The following PCCB variants were observed in gnomAD, a reference collection of about 807,000 sequenced individuals.
PCCB encodes propionyl-CoA carboxylase beta chain, mitochondrial.
Under a neutral mutation model 60.7 loss-of-function variants are expected in PCCB, and 43 were observed. The ratio of observed to expected loss-of-function variants is 0.71; its 90% CI spans 0.55 to 0.91. The LOEUF (loss-of-function observed/expected upper bound fraction) is 0.91, where lower values mean the gene tolerates loss of function less well. PCCB is among the 40% of genes least tolerant of loss of function. The pLI is 0.00. For synonymous variants in PCCB, 276 were observed against 255.9 expected, an observed-to-expected ratio of 1.08 and a Z score of -0.75; for missense variants, 766 against 702.8, an observed-to-expected ratio of 1.09 and a Z score of -1.02.
intron 6 of PCCB, among the ~76,000 whole-genome samples, chr3:136,286,645 C>A (rs1210110545): frequency 6.6e-6 from 1 of 152,180 alleles, no homozygotes; most frequent in Non-Finnish European, 1.5e-5. Flanking sequence ...CAAATTGCTT[C>A]TTAGCACGAC....
rs1473451622 is a variant in PCCB, at chr3:136,269,907, AT to A, written c.543+7843del. Among the ~76,000 whole-genome samples, 26 of 148,954 alleles carry A rather than the reference AT, an allele frequency of 1.7e-4. No individual in the cohort carries two copies. In the East Asian group the frequency reaches 3.5e-3, roughly 20 times the overall value. On this transcript the variant is annotated intron_variant, in intron 5 of 14. Coordinates refer to ENST00000251654, the MANE Select transcript of PCCB (RefSeq NM_000532.5). Reference sequence around the variant, plus strand: ...TCTCAAAAAAAAAAAAAAAAAAAAAATAAGAGTGGACATCCTTGTCTTGTTC... The same window carrying A: ...TCTCAAAAAAAAAAAAAAAAAAAAAAAAGAGTGGACATCCTTGTCTTGTTC...
chr3:136,255,918 C>G lies in PCCB; in HGVS notation c.246C>G (p.Ser82Arg). The G allele has an allele frequency of 6.2e-7, 1 of 1,614,028 alleles. No individual in the cohort carries two copies. Among genetic ancestry groups the G allele is most frequent in the Non-Finnish European group, 8.5e-7 (1 of 1,179,928 alleles). ...TGGACCCTGGCAGCTTTGTTGAGAG[C>G]GACATGTTTGTGGAACACAGATGTG... is the stretch of plus-strand genomic sequence containing the variant. ...LLLDPGSFVE[S>R]DMFVEHRCAD... Residue 82 changes from serine (S) to arginine (R), a missense_variant, in exon 2 of 15, where the codon AGC becomes AGG. Transcript: ENST00000251654.
Position 136,297,873 on chromosome 3 carries a change from GGGCGCAGTCA to G in PCCB, c.764-75_764-66del, listed in dbSNP as rs1157339975. On this transcript the variant is annotated intron_variant, in intron 7 of 14. Transcript: ENST00000251654. Reference sequence around the variant, plus strand: ...GGTCTGCTACTGACATGCCCTAGAAGGGCGCAGTCAGGCATGAAGCAGCAACTTTGGGCTG... The same window carrying G: ...GGTCTGCTACTGACATGCCCTAGAAGGGCATGAAGCAGCAACTTTGGGCTG... 2.5e-5 allele frequency: 38 copies of G among 1,538,310 alleles called. No individual in the cohort carries two copies. In the Admixed American group the frequency reaches 6.0e-4, roughly 24 times the overall value.
chr3:136,300,136 CTACACATGTGTTCACATACATATA>C, intron 8 of PCCB, among the ~76,000 whole-genome samples: 1 of 150,956 alleles, frequency 6.6e-6, no homozygotes, highest in Non-Finnish European at 1.5e-5. Context: ...ATATGTATAT[CTACACATGTGTTCACATACATATA>C]TACACATATG....
intron 9 of PCCB, among the ~76,000 whole-genome samples, chr3:136,308,477 C>T (rs2108216087): frequency 6.6e-6 from 1 of 152,252 alleles, no homozygotes; most frequent in South Asian, 2.1e-4. Flanking sequence ...GGAGATTCAA[C>T]AGACTTAGGT....
chr3:136,293,732 T>G (rs368081650), intron 6 of PCCB, 24 bp from the exon 7 acceptor site: 14 of 1,449,844 alleles, frequency 9.7e-6, no homozygotes, highest in South Asian at 8.0e-5. Flanking sequence ...TGAGGTTGAC[T>G]GTTCTGGAAA....
Position 136,277,964 on chromosome 3 carries a change from T to TTC in PCCB, c.544-5871_544-5870dup, listed in dbSNP as rs571633518. On this transcript the variant is annotated intron_variant, in intron 5 of 14. Transcript: ENST00000251654. ...TCCCCCTGCCCCTGGGAGGTATGGGTTCTGGACAAAGGAGTTCATCCTCAC... is the reference window on the plus strand; with the variant it reads ...TCCCCCTGCCCCTGGGAGGTATGGGTTCTCTGGACAAAGGAGTTCATCCTCAC... 2.6e-3 allele frequency among the ~76,000 whole-genome samples: 400 copies of TTC among 152,212 alleles called. 5 individuals are homozygous for TTC. The highest frequency in any genetic ancestry group is 9.2e-3 in the African/African-American group (383 of 41,558).
At chr3:136,258,058 G>A (rs893182116) in intron 3 of PCCB, among the ~76,000 whole-genome samples, 3 of 146,900 alleles carry the variant, frequency 2.0e-5, no homozygotes, top group South Asian at 2.2e-4. Context: ...ACCAAATGCC[G>A]AAATAGAAGG....
At chr3:136,310,192 C>T (rs549399329) in intron 9 of PCCB, among the ~76,000 whole-genome samples, 2 of 152,224 alleles carry the variant, frequency 1.3e-5, no homozygotes, top group South Asian at 2.1e-4. Flanking sequence ...GGAGAAACCT[C>T]GTCTTTACTA....
At chr3:136,260,698 T>C (rs1429937370) in intron 4 of PCCB, among the ~76,000 whole-genome samples, 163 bp downstream of exon 4, 3 of 152,212 alleles carry the variant, frequency 2.0e-5, no homozygotes, top group Non-Finnish European at 4.4e-5. Flanking sequence ...TTTCGTACCA[T>C]GGATCTCTTC....
chr3:136,298,107 G>A, intron 8 of PCCB, 35 bp downstream of exon 8: 1 of 1,613,672 alleles, frequency 6.2e-7, no homozygotes, highest in Admixed American at 1.7e-5. Context: ...CTCTCATTTT[G>A]CAGTGTAGCT....
intron 1 of PCCB, among the ~76,000 whole-genome samples, chr3:136,254,878 C>CTTT (rs113195311): frequency 7.2e-6 from 1 of 139,748 alleles, no homozygotes; most frequent in African/African-American, 2.6e-5. Flanking sequence ...CTCAAAGAAG[C>CTTT]TTTTTTTTTT....
intron 7 of PCCB, among the ~76,000 whole-genome samples, chr3:136,295,312 T>G (rs1425294555): frequency 2.6e-5 from 4 of 152,230 alleles, no homozygotes; most frequent in Non-Finnish European, 5.9e-5. Flanking sequence ...ATGTGTCTTA[T>G]CAGTGAAGTC....
At position 136,327,750 on chromosome 3, in the gene PCCB, T is replaced by C. The variant is rs1935379237; in HGVS notation, c.1398+18T>C. ...GAGCAAAGGTGAGGGCCTCTTGCTT[T>C]TCCCTTTCTGGGTCCAAGGACTCGA... On this transcript the variant is annotated intron_variant, in intron 13 of 14. Coordinates refer to ENST00000251654, the MANE Select transcript of PCCB (RefSeq NM_000532.5). 2.5e-6 allele frequency: 4 copies of C among 1,592,354 alleles called. No homozygotes were observed. The South Asian group carries it at 3.3e-5, about 13-fold the overall frequency.
At chr3:136,315,169 G>T (rs1480052205) in intron 9 of PCCB, among the ~76,000 whole-genome samples, 2 of 152,196 alleles carry the variant, frequency 1.3e-5, no homozygotes, top group Non-Finnish European at 1.5e-5. Flanking sequence ...TCAGGTTCTG[G>T]ACCAGAATTT....
Position 136,294,228 on chromosome 3 carries a change from A to G in PCCB, c.763+364A>G, listed in dbSNP as rs192088531. Among the ~76,000 whole-genome samples the G allele has an allele frequency of 4.6e-5, 7 of 152,312 alleles. No homozygotes were observed. The East Asian group carries it at 1.3e-3, about 29-fold the overall frequency. ...ATTTTTTATTCTAAGGTTGGTATATATCTTAGAGTACATAAGTGTTTTCCA... is the reference window on the plus strand; with the variant it reads ...ATTTTTTATTCTAAGGTTGGTATATGTCTTAGAGTACATAAGTGTTTTCCA... On this transcript the variant is annotated intron_variant, in intron 7 of 14. Transcript: ENST00000251654.
chr3:136,292,691 ATG>A (rs1227836323), intron 6 of PCCB, among the ~76,000 whole-genome samples: 1 of 152,234 alleles, frequency 6.6e-6, no homozygotes, highest in Non-Finnish European at 1.5e-5. Flanking sequence ...TATTGAAAGA[ATG>A]TGTTGGGAAG....
Position 136,254,610 on chromosome 3 carries a change from A to G in PCCB, c.184-1246A>G, listed in dbSNP as rs562709614. 8.2e-5 allele frequency among the ~76,000 whole-genome samples: 11 copies of G among 134,788 alleles called. 1 individual carries two copies. The South Asian group carries it at 2.4e-3, about 29-fold the overall frequency. 88.4% of individuals were successfully genotyped at this position (134,788 alleles called of 152,430 possible). On this transcript the variant is annotated intron_variant, in intron 1 of 14. Transcript: ENST00000251654. Reference sequence around the variant, plus strand: ...CACGGTGGAGTGATCACAGCTCACCACAACCTCCGCTTCCCAGGTTCAAGT... The same window carrying G: ...CACGGTGGAGTGATCACAGCTCACCGCAACCTCCGCTTCCCAGGTTCAAGT...
intron 9 of PCCB, among the ~76,000 whole-genome samples, chr3:136,307,900 A>G (rs1213507203): frequency 6.6e-6 from 1 of 152,018 alleles, no homozygotes. Flanking sequence ...GCTTGAACCC[A>G]GGAGGCAGAG....
Sources: allele counts gnomAD v4.1 joint callset (sites outside exome capture counted in the v4.1 genomes callset), GRCh38; gene constraint gnomAD v4.1.1; transcripts MANE v1.5; gene names NCBI Gene and HGNC (gene_info 2026-07-23, HGNC 2026-07-21).